The following C1QTNF2 variants were observed in gnomAD, a reference collection of about 807,000 sequenced individuals.
The protein encoded by C1QTNF2 is C1q and TNF related 2, also known as complement C1q tumor necrosis factor-related protein 2.
C1QTNF2 carries 15 observed loss-of-function variants against 17.4 expected under a neutral mutation model. The ratio of observed to expected loss-of-function variants is 0.86; its 90% CI spans 0.58 to 1.33. The LOEUF (loss-of-function observed/expected upper bound fraction) is 1.33, where lower values mean the gene tolerates loss of function less well. Ranked by LOEUF, C1QTNF2 falls within the 40% of genes most tolerant of loss-of-function variation. The probability of loss-of-function intolerance (pLI) is 0.00; values close to 1 mark genes in which losing one functional copy is unlikely to be tolerated. For synonymous variants in C1QTNF2, 154 were observed against 163.3 expected, an observed-to-expected ratio of 0.94 and a Z score of 0.44; for missense variants, 381 against 392.3, an observed-to-expected ratio of 0.97 and a Z score of 0.24.
intron 2 of C1QTNF2, among the ~76,000 whole-genome samples, chr5:160,353,598 G>A (rs543015021): frequency 2.6e-5 from 4 of 152,212 alleles, no homozygotes; most frequent in Admixed American, 2.6e-4. Context: ...TGGCCAAGGA[G>A]AATTGGCTGT....
Position 160,349,178 on chromosome 5 carries a change from T to C in C1QTNF2, c.848A>G (p.Asn283Ser), listed in dbSNP as rs958206977. 1.9e-5 allele frequency: 31 copies of C among 1,612,502 alleles called. No homozygotes were observed. Among genetic ancestry groups the C allele is most frequent in the Middle Eastern group, 1.7e-4 (1 of 6,026 alleles). The change falls in exon 3 of 3, where the codon AAC becomes AGC. Residue 283 changes from asparagine to serine, a missense_variant. Coordinates refer to ENST00000652664, the MANE Select transcript of C1QTNF2 (RefSeq NM_031908.6). This position sits in a 1 kb window ranked among gnomAD's most constrained non-coding sequence, Gnocchi z 4.3. ...ACCGCCGTGGCATGTCTATACCTCG[T>C]TGGGGTCATCCTGGTCGGCATAGAT... ...FLIYADQDDP[N>S]EV is the part of the protein sequence containing the mutation.
Position 160,349,676 on chromosome 5 carries a change from G to C in C1QTNF2, c.350C>G (p.Pro117Arg). Residue 117 changes from proline (P) to arginine (R), a missense_variant, in exon 3 of 3, where the codon CCC becomes CGC. By Grantham distance (103) the Pro-to-Arg change is moderately radical. Coordinates refer to ENST00000652664, the MANE Select transcript of C1QTNF2 (RefSeq NM_031908.6). The surrounding 1 kb of genome is among the most constrained non-coding windows in gnomAD (Gnocchi z 4.3). The part of the protein sequence containing the change: ...PRGPKGVNGT[P>R]GKHGTPGKKG... ...CTTGCCTGGTGTGCCATGCTTCCCG[G>C]GGGTACCGTTGACCCCCTTGGGGCC... The C allele has an allele frequency of 6.2e-7, 1 of 1,612,966 alleles. No individual in the cohort carries two copies. The highest frequency in any genetic ancestry group is 8.5e-7 in the Non-Finnish European group (1 of 1,179,780).
At chr5:160,364,224 A>C (rs1105789) in intron 1 of C1QTNF2, among the ~76,000 whole-genome samples, 71,877 of 152,050 alleles carry the variant, frequency 0.47, 17,073 homozygotes, top group Middle Eastern at 0.56. Context: ...AGACTGGAGC[A>C]TTCCAAGTCT....
At chr5:160,361,192 A>C (rs1324643783) in intron 1 of C1QTNF2, among the ~76,000 whole-genome samples, 1 of 152,186 alleles carries the variant, frequency 6.6e-6, no homozygotes, top group South Asian at 2.1e-4. Flanking sequence ...CATGTTCTAG[A>C]AAAGCGCTAG....
chr5:160,367,217 G>C (rs1581041769), intron 1 of C1QTNF2, among the ~76,000 whole-genome samples: 1 of 152,078 alleles, frequency 6.6e-6, no homozygotes, highest in Non-Finnish European at 1.5e-5. Context: ...ATTTGAAATT[G>C]TTGCCAATGT....
intron 2 of C1QTNF2, among the ~76,000 whole-genome samples, chr5:160,353,234 C>G (rs1328793929): frequency 1.3e-5 from 2 of 152,088 alleles, no homozygotes; most frequent in Non-Finnish European, 2.9e-5. Flanking sequence ...TATTAAAATG[C>G]CATACAAATA....
chr5:160,370,093 A>G (rs1764321966), intron 1 of C1QTNF2, among the ~76,000 whole-genome samples: 2 of 152,164 alleles, frequency 1.3e-5, no homozygotes, highest in South Asian at 2.1e-4. Context: ...TTTTTTATCA[A>G]TTACTAGCTG....
intron 2 of C1QTNF2, among the ~76,000 whole-genome samples, 176 bp downstream of exon 2, chr5:160,354,592 A>ATATATATATAT (rs1561822717): frequency 1.1e-4 from 5 of 46,462 alleles, no homozygotes; most frequent in African/African-American, 3.6e-4. Flanking sequence ...GGGAAAAAAA[A>ATATATATATAT]AAAAAGTATA....
At position 160,348,433 on chromosome 5, in the gene C1QTNF2, G is replaced by C. The variant is rs900793426; in HGVS notation, c.*735C>G. The C allele has an allele frequency of 1.3e-5, 2 of 152,194 alleles. No homozygotes were observed. Among genetic ancestry groups the C allele is most frequent in the Non-Finnish European group, 2.9e-5 (2 of 68,076 alleles). The allele number at this position is 152,194 out of a possible 1,614,324, so 9.4% of individuals were successfully genotyped here. ...TGCCTCCCTTCTCAGTTCTTACCTTGGCCCCTCCCTCTTTCCTGTCAAGGT... is the reference window on the plus strand; with the variant it reads ...TGCCTCCCTTCTCAGTTCTTACCTTCGCCCCTCCCTCTTTCCTGTCAAGGT... On this transcript the variant is annotated 3_prime_UTR_variant, in exon 3 of 3. Transcript: ENST00000652664.
intron 1 of C1QTNF2, among the ~76,000 whole-genome samples, chr5:160,362,984 A>G (rs947759091): frequency 6.6e-6 from 1 of 152,236 alleles, no homozygotes; most frequent in Non-Finnish European, 1.5e-5. Flanking sequence ...ACTAGTTGCA[A>G]TTGAACTAAG....
At position 160,364,698 on chromosome 5, in the gene C1QTNF2, C is replaced by T. The variant is rs150050814; in HGVS notation, c.-10+5814G>A. Among the ~76,000 whole-genome samples, 229 of 152,286 alleles carry T rather than the reference C, an allele frequency of 1.5e-3. 1 individual carries two copies. The highest frequency in any genetic ancestry group is 5.3e-3 in the African/African-American group (219 of 41,548). The stretch of plus-strand genomic sequence containing the variant: ...TTATCACTTTGAGTGATGGCTCTGT[C>T]AGGTGCTACCAAAAAAAAGTCCTAG... On this transcript the variant is annotated intron_variant, in intron 1 of 2. Transcript: ENST00000652664.
intron 1 of C1QTNF2, among the ~76,000 whole-genome samples, chr5:160,361,934 C>T (rs1409525645): frequency 1.3e-5 from 2 of 152,212 alleles, no homozygotes; most frequent in Non-Finnish European, 2.9e-5. Context: ...CTTGTTAACT[C>T]TCTGGCTCTT....
chr5:160,353,917 C>T (rs1763976869), intron 2 of C1QTNF2, among the ~76,000 whole-genome samples: 1 of 149,148 alleles, frequency 6.7e-6, no homozygotes. Context: ...AATTCTCCTA[C>T]CTCAGCCTCC....
At chr5:160,351,034 G>A (rs1481895240) in intron 2 of C1QTNF2, among the ~76,000 whole-genome samples, 2 of 152,190 alleles carry the variant, frequency 1.3e-5, no homozygotes, top group Non-Finnish European at 2.9e-5. Flanking sequence ...ACAGGCGTGA[G>A]CCACCACACC....
intron 1 of C1QTNF2, among the ~76,000 whole-genome samples, chr5:160,361,455 T>A (rs1305835370): frequency 1.3e-5 from 2 of 152,184 alleles, no homozygotes; most frequent in African/African-American, 4.8e-5. Context: ...GATTGGAAGA[T>A]GTAAATTATG....
intron 1 of C1QTNF2, among the ~76,000 whole-genome samples, chr5:160,358,399 G>A (rs1764091444): frequency 6.6e-6 from 1 of 152,198 alleles, no homozygotes; most frequent in South Asian, 2.1e-4. Context: ...TGGGGGGCAG[G>A]GTGCTTAGAG....
intron 2 of C1QTNF2, 26 bp downstream of exon 2, chr5:160,354,742 G>A (rs752106870): frequency 5.6e-6 from 9 of 1,613,062 alleles, no homozygotes; most frequent in Middle Eastern, 1.7e-4. Context: ...AGGTGGGAAC[G>A]AGAGTGGCAC....
chr5:160,361,438 C>T (rs545966553), intron 1 of C1QTNF2, among the ~76,000 whole-genome samples: 7 of 152,276 alleles, frequency 4.6e-5, no homozygotes, highest in Admixed American at 2.6e-4. Flanking sequence ...AACAGTCTCC[C>T]GTTGCAGATT....
In C1QTNF2 at chr5:160,349,038, G is replaced by T; in HGVS notation, c.*130C>A. On this transcript the variant is annotated 3_prime_UTR_variant, in exon 3 of 3. Coordinates refer to ENST00000652664, the MANE Select transcript of C1QTNF2 (RefSeq NM_031908.6). This position sits in a 1 kb window ranked among gnomAD's most constrained non-coding sequence, Gnocchi z 4.3. ...GATTTAATGAAGGGGAAAAAAAGAGGCAGAGGAGGTGAGCCTGAGGCTAGA... is the reference window on the plus strand; with the variant it reads ...GATTTAATGAAGGGGAAAAAAAGAGTCAGAGGAGGTGAGCCTGAGGCTAGA... 1 of 1,099,598 alleles carries T rather than the reference G, an allele frequency of 9.1e-7. No individual in the cohort carries two copies. The allele number at this position is 1,099,598 out of a possible 1,614,324, so 68.1% of individuals were successfully genotyped here.
Sources: gnomAD v4.1 joint callset for allele counts (sites outside exome capture counted in the v4.1 genomes callset) on GRCh38, gnomAD v4.1.1 for gene constraint, Gnocchi (gnomAD v3.1) non-coding constraint, MANE v1.5 for transcripts, NCBI Gene and HGNC (gene_info 2026-07-23, HGNC 2026-07-21) for gene names.